The following NLGN1 variants were observed in gnomAD, a reference collection of about 807,000 sequenced individuals.
The protein encoded by NLGN1 is neuroligin-1.
In NLGN1, 12 loss-of-function variants were observed where a neutral mutation model predicts 65.5. The ratio of observed to expected loss-of-function variants is 0.18; its 90% CI spans 0.12 to 0.30. The LOEUF (loss-of-function observed/expected upper bound fraction) is 0.30. Ranked by LOEUF, NLGN1 falls within the 10% of genes least tolerant of loss-of-function variation. NLGN1 has a pLI of 1.00. For synonymous variants in NLGN1, 350 were observed against 359.5 expected, an observed-to-expected ratio of 0.97 and a Z score of 0.30; for missense variants, 750 against 1,007.1, an observed-to-expected ratio of 0.74 and a Z score of 3.46.
intron 4 of NLGN1, among the ~76,000 whole-genome samples, chr3:174,075,340 GATA>G (rs1740694243): frequency 6.6e-6 from 1 of 152,084 alleles, no homozygotes; most frequent in South Asian, 2.1e-4. Flanking sequence ...ATTACATGAA[GATA>G]ATGATTTTAA....
chr3:173,951,249 T>C (rs1196450248), intron 4 of NLGN1, among the ~76,000 whole-genome samples: 2 of 152,192 alleles, frequency 1.3e-5, no homozygotes, highest in Non-Finnish European at 2.9e-5. Flanking sequence ...AAATTTTCTT[T>C]GGAAAATTAT....
At chr3:174,230,181 G>A (rs949567178) in intron 4 of NLGN1, among the ~76,000 whole-genome samples, 2 of 152,208 alleles carry the variant, frequency 1.3e-5, no homozygotes, top group Middle Eastern at 3.4e-3. Flanking sequence ...GACCTGACCC[G>A]GGAGAGGAAT....
chr3:173,815,729 C>G (rs1243455243), intron 4 of NLGN1, among the ~76,000 whole-genome samples: 4 of 152,088 alleles, frequency 2.6e-5, no homozygotes, highest in Admixed American at 2.0e-4. Context: ...TGTGCATTAC[C>G]AAATGCCATC....
chr3:173,520,429 T>A (rs1432630445), intron 2 of NLGN1, among the ~76,000 whole-genome samples: 8 of 152,156 alleles, frequency 5.3e-5, no homozygotes, highest in Non-Finnish European at 7.3e-5. Context: ...GGAGTGATAA[T>A]CCATTTAGTC....
chr3:173,938,007 C>T (rs1468505001), intron 4 of NLGN1, among the ~76,000 whole-genome samples: 1 of 152,022 alleles, frequency 6.6e-6, no homozygotes, highest in East Asian at 1.9e-4. Context: ...ACACTTATAA[C>T]AATAAACATA....
intron 2 of NLGN1, among the ~76,000 whole-genome samples, chr3:173,517,770 CTATCT>C (rs1251109835): frequency 6.6e-6 from 1 of 151,570 alleles, no homozygotes; most frequent in East Asian, 1.9e-4. Flanking sequence ...ATCTATCTAT[CTATCT>C]ATCTATCTAT....
chr3:173,900,065 A>G (rs1261832008), intron 4 of NLGN1, among the ~76,000 whole-genome samples: 1 of 152,088 alleles, frequency 6.6e-6, no homozygotes, highest in African/African-American at 2.4e-5. Flanking sequence ...GCTTCTCCTC[A>G]CCAGAACAGA....
At chr3:173,410,989 C>T (rs1712422770) in intron 1 of NLGN1, among the ~76,000 whole-genome samples, 1 of 152,194 alleles carries the variant, frequency 6.6e-6, no homozygotes. Flanking sequence ...GTTGTTGACT[C>T]AGAGCCATTG....
chr3:173,991,948 C>T (rs1298965186), intron 4 of NLGN1, among the ~76,000 whole-genome samples: 2 of 152,090 alleles, frequency 1.3e-5, no homozygotes, highest in African/African-American at 2.4e-5. Context: ...CTGCCTCAGC[C>T]TCCTGAGTAG....
intron 3 of NLGN1, 32 bp downstream of exon 3, chr3:173,605,625 GA>G: frequency 3.0e-5 from 33 of 1,107,546 alleles, no homozygotes; most frequent in Non-Finnish European, 3.5e-5. Context: ...AAAAATGGGG[GA>G]AAAAGCTTGC....
chr3:174,286,522 C>T (rs1752135802), exon 7 of NLGN1: 1 of 151,460 alleles, frequency 6.6e-6, no homozygotes, highest in African/African-American at 2.4e-5. Flanking sequence ...ATTAATGGGA[C>T]ATATGTCATG....
chr3:173,734,911 T>C (rs562462312), intron 3 of NLGN1, among the ~76,000 whole-genome samples: 4 of 152,118 alleles, frequency 2.6e-5, no homozygotes, highest in Non-Finnish European at 4.4e-5. Context: ...CATGGAATAA[T>C]GGATCTTTTC....
intron 4 of NLGN1, among the ~76,000 whole-genome samples, chr3:174,149,427 A>G (rs541971476): frequency 6.6e-6 from 1 of 152,176 alleles, no homozygotes; most frequent in African/African-American, 2.4e-5. Flanking sequence ...CTTTTTCCCA[A>G]AGCTTTAATA....
intron 4 of NLGN1, among the ~76,000 whole-genome samples, chr3:173,828,932 G>C (rs1452651494): frequency 6.8e-6 from 1 of 147,480 alleles, no homozygotes; most frequent in African/African-American, 2.7e-5. Flanking sequence ...TTGCTTTTTG[G>C]GGGGGATTAA....
At chr3:174,035,412 G>C (rs1462208524) in intron 4 of NLGN1, among the ~76,000 whole-genome samples, 1 of 152,116 alleles carries the variant, frequency 6.6e-6, no homozygotes, top group Non-Finnish European at 1.5e-5. Flanking sequence ...TCAGGAAAAG[G>C]CTTATCAGTA....
intron 3 of NLGN1, among the ~76,000 whole-genome samples, chr3:173,786,055 A>G (rs1169851985): frequency 2.6e-5 from 4 of 152,198 alleles, no homozygotes; most frequent in Admixed American, 2.0e-4. Flanking sequence ...AAATTGCTGA[A>G]TTCTAGGCTC....
intron 4 of NLGN1, among the ~76,000 whole-genome samples, chr3:173,820,034 G>T (rs1719912187): frequency 6.6e-6 from 1 of 152,066 alleles, no homozygotes; most frequent in South Asian, 2.1e-4. Context: ...TGAAAAATTA[G>T]CTGGGCGTGG....
intron 3 of NLGN1, among the ~76,000 whole-genome samples, chr3:173,617,429 G>C (rs1288217891): frequency 6.6e-6 from 1 of 152,110 alleles, no homozygotes; most frequent in Non-Finnish European, 1.5e-5. Flanking sequence ...CAATTTGTTG[G>C]AGAGAGCCTT....
At chr3:173,397,076 A>G (rs114507237), upstream of NLGN1, among the ~76,000 whole-genome samples, 5 of 151,096 alleles carry the variant, frequency 3.3e-5, no homozygotes, top group Non-Finnish European at 5.9e-5. Context: ...ATAAAAAATA[A>G]TGAACTTTAA....
Sources: gnomAD v4.1 joint callset for allele counts (sites outside exome capture counted in the v4.1 genomes callset) on GRCh38, gnomAD v4.1.1 for gene constraint, MANE v1.5 for transcripts, NCBI Gene and HGNC (gene_info 2026-07-23, HGNC 2026-07-21) for gene names.